MSTO1: variants seen among roughly 807,000 people sequenced by gnomAD.
MSTO1 encodes the protein misato mitochondrial distribution and morphology regulator 1.
In MSTO1, 24 loss-of-function variants were observed where a neutral mutation model predicts 55.7. That is an observed-to-expected ratio of 0.43 (90% CI 0.31 to 0.61). The LOEUF (loss-of-function observed/expected upper bound fraction) is 0.61. Ranked by LOEUF, MSTO1 falls within the 20% of genes least tolerant of loss-of-function variation. The pLI, the probability that MSTO1 is intolerant of heterozygous loss-of-function variation, is 0.09. For synonymous variants in MSTO1, 162 were observed against 252.8 expected (o/e 0.64, Z 3.41); for missense variants, 363 against 625.7 (o/e 0.58, Z 4.48).
the MSTO1 span, among the ~76,000 whole-genome samples, chr1:155,581,888 G>A: frequency 2.0e-4 from 30 of 149,972 alleles, no homozygotes; most frequent in Admixed American, 7.3e-4. Context: ...CCGCATCCCC[G>A]GTGCAAGCGA....
chr1:155,599,046 A>G, the MSTO1 span: 1 of 514,956 alleles, frequency 1.9e-6, no homozygotes, highest in Non-Finnish European at 3.4e-6. Context: ...ACGATGGCTC[A>G]TGCCTGTAAT....
chr1:155,570,021 A>G, the MSTO1 span, among the ~76,000 whole-genome samples: 2 of 152,150 alleles, frequency 1.3e-5, no homozygotes, highest in Non-Finnish European at 2.9e-5. Context: ...AGTACCCAGA[A>G]ATACCCAATT....
At chr1:155,600,611 G>A in the MSTO1 span, among the ~76,000 whole-genome samples, 11 of 151,698 alleles carry the variant, frequency 7.3e-5, no homozygotes, top group South Asian at 2.1e-4. Flanking sequence ...GCAGTGGCAC[G>A]ATCTCGGCTC....
At chr1:155,581,246 T>C in the MSTO1 span, among the ~76,000 whole-genome samples, 1 of 152,204 alleles carries the variant, frequency 6.6e-6, no homozygotes, top group South Asian at 2.1e-4. Context: ...ATTATAGGTG[T>C]GAGTCACCTC....
chr1:155,574,094 C>T, the MSTO1 span, among the ~76,000 whole-genome samples: 4 of 151,870 alleles, frequency 2.6e-5, no homozygotes, highest in East Asian at 1.9e-4. Context: ...CAGTGGCTCA[C>T]GCCTGTAATC....
the MSTO1 span, among the ~76,000 whole-genome samples, chr1:155,577,354 C>A: frequency 1.3e-5 from 2 of 152,150 alleles, no homozygotes; most frequent in Non-Finnish European, 2.9e-5. Flanking sequence ...TCCCAAAGTG[C>A]TGGGATTACA....
At chr1:155,570,440 G>A in the MSTO1 span, among the ~76,000 whole-genome samples, 9 of 152,294 alleles carry the variant, frequency 5.9e-5, no homozygotes, top group South Asian at 2.1e-4. Context: ...ACATCCATCT[G>A]TGGACATCAG....
chr1:155,609,013 AC>A (rs1431113984), upstream of MSTO1, among the ~76,000 whole-genome samples: 2 of 142,392 alleles, frequency 1.4e-5, no homozygotes, highest in South Asian at 2.2e-4. Context: ...TTTAGTAGAG[AC>A]CGGGGTTTCA....
chr1:155,607,040 G>A (rs538712673), upstream of MSTO1, among the ~76,000 whole-genome samples: 1 of 151,086 alleles, frequency 6.6e-6, no homozygotes, highest in Non-Finnish European at 1.5e-5. Context: ...CACCATGTTT[G>A]CCAGGCTGGT....
At chr1:155,600,891 T>C in the MSTO1 span, among the ~76,000 whole-genome samples, 2 of 151,484 alleles carry the variant, frequency 1.3e-5, no homozygotes, top group South Asian at 2.1e-4. Context: ...TTAGCCAGTA[T>C]GGTCTCGATC....
chr1:155,590,818 T>C, the MSTO1 span: 2 of 1,606,360 alleles, frequency 1.2e-6, no homozygotes, highest in Non-Finnish European at 1.7e-6. Flanking sequence ...CACCAGGGGG[T>C]TATAGAAGTC....
chr1:155,585,516 C>T, the MSTO1 span, among the ~76,000 whole-genome samples: 16 of 145,146 alleles, frequency 1.1e-4, no homozygotes, highest in African/African-American at 4.1e-4. Flanking sequence ...GAGCGAGACT[C>T]CGTCTCAAAA....
At chr1:155,571,155 T>C in the MSTO1 span, among the ~76,000 whole-genome samples, 3 of 152,066 alleles carry the variant, frequency 2.0e-5, no homozygotes, top group South Asian at 6.2e-4. Context: ...GCCCCATCTC[T>C]ATAAAAAAGT....
chr1:155,576,477 C>T, the MSTO1 span, among the ~76,000 whole-genome samples: 1 of 151,532 alleles, frequency 6.6e-6, no homozygotes, highest in Non-Finnish European at 1.5e-5. Context: ...CAGGTGCGCA[C>T]CACCACGCCC....
At chr1:155,590,647 G>T in the MSTO1 span, 6 of 1,411,934 alleles carry the variant, frequency 4.2e-6, no homozygotes, top group Non-Finnish European at 5.8e-6. Context: ...CCGAGAGATG[G>T]CAGGGGCAGA....
chr1:155,572,225 A>G, the MSTO1 span, among the ~76,000 whole-genome samples: 8 of 152,208 alleles, frequency 5.3e-5, no homozygotes, highest in African/African-American at 1.9e-4. Flanking sequence ...CTCGATGCCA[A>G]TAGCATCCTC....
the MSTO1 span, among the ~76,000 whole-genome samples, chr1:155,584,657 T>G: frequency 4.3e-5 from 4 of 92,252 alleles, no homozygotes; most frequent in Admixed American, 1.8e-4. Flanking sequence ...GGCAACAGAG[T>G]GAGAGCTTGT....
upstream of MSTO1, among the ~76,000 whole-genome samples, chr1:155,608,749 G>A (rs1394356164): frequency 2.0e-5 from 3 of 151,560 alleles, no homozygotes; most frequent in Non-Finnish European, 4.4e-5. Context: ...TGATCCACCC[G>A]CCTCGGCCTC....
At chr1:155,609,972 G>C (rs1026128052), upstream of MSTO1, 1 of 468,620 alleles carries the variant, frequency 2.1e-6, no homozygotes, top group Non-Finnish European at 3.8e-6. Context: ...CCAAGTCAGC[G>C]GCGGAGACGG....
Sources: allele counts gnomAD v4.1 joint callset (sites outside exome capture counted in the v4.1 genomes callset), GRCh38; gene constraint gnomAD v4.1.1; transcripts MANE v1.5; gene names NCBI Gene and HGNC (gene_info 2026-07-23, HGNC 2026-07-21).